Variants in TEK observed in about 807,000 individuals in gnomAD.
The protein encoded by TEK is angiopoietin-1 receptor.
A neutral mutation model predicts 131.8 loss-of-function variants in TEK; 43 were observed. The observed-to-expected ratio is 0.33, with a 90% CI of 0.26 to 0.42. TEK has a LOEUF of 0.42. Among genes scored for constraint, TEK ranks in the 10% least tolerant of loss-of-function variants. The pLI, the probability that TEK is intolerant of heterozygous loss-of-function variation, is 1.00. For missense variants in TEK, 1,162 were observed against 1,384.4 expected (o/e 0.84, Z 2.55); for synonymous variants, 580 against 491.6 (o/e 1.18, Z -2.38).
intron 22 of TEK, 47 bp from the exon 23 acceptor site, chr9:27,229,111 G>A (rs1826458167): frequency 1.9e-6 from 3 of 1,574,282 alleles, no homozygotes; most frequent in Non-Finnish European, 1.7e-6. Flanking sequence ...GCTGGCAGAG[G>A]TGGAATCAAA....
At chr9:27,111,765 T>C (rs1821357131) in intron 1 of TEK, among the ~76,000 whole-genome samples, 1 of 152,172 alleles carries the variant, frequency 6.6e-6, no homozygotes, top group Non-Finnish European at 1.5e-5. Context: ...CTGTTCTCTT[T>C]AAAAAGTTGT....
At chr9:27,175,665 T>C (rs1233072886) in intron 6 of TEK, among the ~76,000 whole-genome samples, 1 of 152,104 alleles carries the variant, frequency 6.6e-6, no homozygotes, top group East Asian at 1.9e-4. Flanking sequence ...TCCTGACTTT[T>C]TAATGATCGC....
chr9:27,199,579 T>C (rs1465903285), intron 12 of TEK, among the ~76,000 whole-genome samples: 2 of 152,214 alleles, frequency 1.3e-5, no homozygotes, highest in Non-Finnish European at 2.9e-5. Context: ...TGGTGCCTCA[T>C]TGTTAATTTC....
At chr9:27,124,294 C>T (rs551984650) in intron 1 of TEK, among the ~76,000 whole-genome samples, 1 of 152,362 alleles carries the variant, frequency 6.6e-6, no homozygotes, top group South Asian at 2.1e-4. Context: ...CTATGCTTGA[C>T]ACAGCTGAGT....
intron 1 of TEK, among the ~76,000 whole-genome samples, chr9:27,118,142 C>A (rs1328744318): frequency 6.6e-6 from 1 of 152,028 alleles, no homozygotes; most frequent in Non-Finnish European, 1.5e-5. Context: ...AAATTCTGAT[C>A]CCTGTGTCAG....
chr9:27,168,027 T>G (rs779704726), intron 2 of TEK, among the ~76,000 whole-genome samples: 2 of 152,198 alleles, frequency 1.3e-5, no homozygotes, highest in Non-Finnish European at 2.9e-5. Context: ...CCAAAAATAT[T>G]TGAGAGCCAA....
chr9:27,219,715 G>GACTT (rs1287207889), intron 20 of TEK, among the ~76,000 whole-genome samples: 30 of 151,576 alleles, frequency 2.0e-4, no homozygotes, highest in African/African-American at 7.0e-4. Flanking sequence ...TAAAACTATG[G>GACTT]ACTTCCAATC....
At chr9:27,111,972 C>A (rs1277274359) in intron 1 of TEK, among the ~76,000 whole-genome samples, 2 of 148,524 alleles carry the variant, frequency 1.3e-5, no homozygotes, top group African/African-American at 2.5e-5. Context: ...GATCTCAGAT[C>A]ACTGCAACCT....
intron 2 of TEK, among the ~76,000 whole-genome samples, chr9:27,161,774 G>A (rs974675897): frequency 1.3e-5 from 2 of 152,172 alleles, no homozygotes; most frequent in Admixed American, 6.5e-5. Flanking sequence ...CTCAGGACAA[G>A]TTACTTAATT....
At chr9:27,201,324 C>T (rs886630412) in intron 12 of TEK, among the ~76,000 whole-genome samples, 5 of 152,130 alleles carry the variant, frequency 3.3e-5, no homozygotes, top group Admixed American at 2.6e-4. Context: ...TTCTAAAAGA[C>T]ACTGCTGCTT....
intron 18 of TEK, among the ~76,000 whole-genome samples, chr9:27,215,717 G>C (rs1284092358): frequency 2.0e-5 from 3 of 152,146 alleles, no homozygotes; most frequent in Non-Finnish European, 4.4e-5. Context: ...GCTTGTGCTA[G>C]ATTTTGGGGT....
intron 2 of TEK, among the ~76,000 whole-genome samples, chr9:27,160,019 T>G (rs1368010133): frequency 7.1e-6 from 1 of 141,310 alleles, no homozygotes; most frequent in Non-Finnish European, 1.5e-5. Flanking sequence ...GGTTTTTTTT[T>G]TTTTTTTTTT....
intron 1 of TEK, among the ~76,000 whole-genome samples, chr9:27,154,806 G>A (rs1823269686): frequency 6.6e-6 from 1 of 152,144 alleles, no homozygotes; most frequent in Non-Finnish European, 1.5e-5. Context: ...AACAAGGGTA[G>A]CGAAGTATAG....
intron 1 of TEK, among the ~76,000 whole-genome samples, chr9:27,127,290 G>T (rs1430133080): frequency 6.6e-6 from 1 of 152,136 alleles, no homozygotes; most frequent in East Asian, 1.9e-4. Context: ...CCATGTCCCT[G>T]CAAAGGACAT....
intron 16 of TEK, among the ~76,000 whole-genome samples, chr9:27,209,539 T>A (rs915003796): frequency 6.6e-6 from 1 of 152,130 alleles, no homozygotes. Context: ...CCACTACTAT[T>A]ATAGTAGGGG....
chr9:27,165,475 C>G (rs1264848914), intron 2 of TEK, among the ~76,000 whole-genome samples: 1 of 152,142 alleles, frequency 6.6e-6, no homozygotes, highest in South Asian at 2.1e-4. Context: ...TCTGCTCTTC[C>G]TTTATGGCTG....
At chr9:27,192,456 A>T (rs2131186876) in intron 10 of TEK, 33 bp from the exon 11 acceptor site, 2 of 1,613,442 alleles carry the variant, frequency 1.2e-6, no homozygotes, top group African/African-American at 2.7e-5. Context: ...AGAGAATGCC[A>T]ACTTAAGTTT....
intron 4 of TEK, among the ~76,000 whole-genome samples, chr9:27,171,366 C>G (rs2131146190): frequency 6.6e-6 from 1 of 152,212 alleles, no homozygotes; most frequent in African/African-American, 2.4e-5. Flanking sequence ...ATTCATTTAC[C>G]AAAATGTGTT....
At chr9:27,125,012 C>T (rs1587484439) in intron 1 of TEK, among the ~76,000 whole-genome samples, 1 of 152,150 alleles carries the variant, frequency 6.6e-6, no homozygotes, top group African/African-American at 2.4e-5. Context: ...CCCCTTTTTC[C>T]TCTCTCATAA....
Sources: allele counts gnomAD v4.1 joint callset (sites outside exome capture counted in the v4.1 genomes callset), GRCh38; gene constraint gnomAD v4.1.1; transcripts MANE v1.5; gene names NCBI Gene and HGNC (gene_info 2026-07-23, HGNC 2026-07-21).